NEGR1: variants seen among roughly 807,000 people sequenced by gnomAD.
NEGR1 encodes neuronal growth regulator 1.
Under a neutral mutation model 40.9 loss-of-function variants are expected in NEGR1, and 10 were observed. The ratio of observed to expected loss-of-function variants is 0.24; its 90% confidence interval spans 0.15 to 0.42. NEGR1 has a LOEUF of 0.42. Among genes scored for constraint, NEGR1 ranks in the 10% least tolerant of loss-of-function variants. The pLI is 1.00. For missense variants in NEGR1, 352 were observed against 438.9 expected, an observed-to-expected ratio of 0.80 and a Z score of 1.77; for synonymous variants, 185 against 166.8, an observed-to-expected ratio of 1.11 and a Z score of -0.84.
chr1:71,409,018 G>T (rs1646298711), intron 6 of NEGR1: 1 of 151,982 alleles, frequency 6.6e-6, no homozygotes, highest in African/African-American at 2.4e-5. Context: ...CCAGGTGAGT[G>T]GGATTTGAAC....
intron 3 of NEGR1, among the ~76,000 whole-genome samples, chr1:71,722,525 A>C (rs140238325): frequency 6.6e-6 from 1 of 152,240 alleles, no homozygotes; most frequent in East Asian, 1.9e-4. Context: ...GTCAAAAATA[A>C]AGTTTAGAAT....
chr1:71,764,203 GA>G (rs1656044023), intron 3 of NEGR1, among the ~76,000 whole-genome samples: 1 of 152,068 alleles, frequency 6.6e-6, no homozygotes, highest in Admixed American at 6.6e-5. Context: ...TTTGTCAATT[GA>G]ATAAAATGAC....
chr1:72,280,473 T>G (rs537244387), intron 1 of NEGR1, among the ~76,000 whole-genome samples: 2 of 152,318 alleles, frequency 1.3e-5, no homozygotes, highest in Middle Eastern at 3.4e-3. Context: ...CTGAAGATAG[T>G]GTCTTGCCCT....
chr1:71,685,965 AG>A (rs1164360320), intron 4 of NEGR1, among the ~76,000 whole-genome samples: 6 of 194 alleles, frequency 0.031, no homozygotes, highest in Admixed American at 0.25. Flanking sequence ...GTTAATGGCC[AG>A]ATGCTATTTT....
At chr1:71,549,775 T>C (rs1435285983) in intron 6 of NEGR1, among the ~76,000 whole-genome samples, 1 of 151,664 alleles carries the variant, frequency 6.6e-6, no homozygotes, top group Non-Finnish European at 1.5e-5. Flanking sequence ...CATTATTTCA[T>C]GGATTCTTTC....
At chr1:71,982,901 T>C (rs1646365590) in intron 1 of NEGR1, among the ~76,000 whole-genome samples, 1 of 152,134 alleles carries the variant, frequency 6.6e-6, no homozygotes, top group African/African-American at 2.4e-5. Context: ...TTTCCTTTTA[T>C]CAGTACACAT....
chr1:72,091,912 T>G (rs1181047849), intron 1 of NEGR1, among the ~76,000 whole-genome samples: 1 of 152,176 alleles, frequency 6.6e-6, no homozygotes, highest in Non-Finnish European at 1.5e-5. Flanking sequence ...TGTGTGTGTG[T>G]GTGTCTTATT....
At chr1:72,025,505 G>C (rs17579541) in intron 1 of NEGR1, among the ~76,000 whole-genome samples, 12,805 of 152,104 alleles carry the variant, frequency 0.084, 651 homozygotes, top group Middle Eastern at 0.18. Context: ...CGTGTTTTCA[G>C]GCACATAGTG....
chr1:71,726,854 C>A (rs1261576992), intron 3 of NEGR1, among the ~76,000 whole-genome samples: 1 of 151,942 alleles, frequency 6.6e-6, no homozygotes, highest in African/African-American at 2.4e-5. Context: ...CCAATACATA[C>A]TGAATTCCAC....
At chr1:71,497,724 G>T (rs189536676) in intron 6 of NEGR1, among the ~76,000 whole-genome samples, 39 of 151,648 alleles carry the variant, frequency 2.6e-4, no homozygotes, top group Non-Finnish European at 5.0e-4. Flanking sequence ...TATTTAATAT[G>T]CTGCAGGTGT....
At chr1:71,883,923 A>C (rs929754496) in intron 2 of NEGR1, among the ~76,000 whole-genome samples, 1 of 152,118 alleles carries the variant, frequency 6.6e-6, no homozygotes, top group Non-Finnish European at 1.5e-5. Flanking sequence ...TTAGAAACGA[A>C]AATATTTAAA....
intron 6 of NEGR1, among the ~76,000 whole-genome samples, chr1:71,439,352 A>G (rs1402360429): frequency 6.6e-6 from 1 of 152,016 alleles, no homozygotes; most frequent in Non-Finnish European, 1.5e-5. Flanking sequence ...TTCCTTCAAT[A>G]ATGTTTTTGT....
At chr1:71,687,405 G>A (rs12130762) in intron 4 of NEGR1, among the ~76,000 whole-genome samples, 9,707 of 152,152 alleles carry the variant, frequency 0.064, 410 homozygotes, top group Non-Finnish European at 0.095. Flanking sequence ...GGCACAGTGG[G>A]CATTTTGTTT....
chr1:71,877,338 C>A (rs1660460984), intron 2 of NEGR1, among the ~76,000 whole-genome samples: 1 of 152,116 alleles, frequency 6.6e-6, no homozygotes, highest in African/African-American at 2.4e-5. Flanking sequence ...GTGACTTAAA[C>A]AACAGAAATT....
At chr1:71,480,041 G>T (rs1208472299) in intron 6 of NEGR1, among the ~76,000 whole-genome samples, 1 of 151,842 alleles carries the variant, frequency 6.6e-6, no homozygotes, top group African/African-American at 2.4e-5. Flanking sequence ...GTGGAAATTG[G>T]ATAATTAGTA....
At chr1:71,952,358 G>T (rs1646078174) in intron 1 of NEGR1, among the ~76,000 whole-genome samples, 1 of 151,936 alleles carries the variant, frequency 6.6e-6, no homozygotes, top group African/African-American at 2.4e-5. Context: ...TAGTGGTCTG[G>T]ATAGAAGACC....
intron 6 of NEGR1, among the ~76,000 whole-genome samples, chr1:71,561,978 A>G (rs1359938598): frequency 6.8e-6 from 1 of 147,248 alleles, no homozygotes; most frequent in Non-Finnish European, 1.5e-5. Context: ...TTTTGGCTCA[A>G]TTGCAATTCC....
chr1:72,089,133 T>TAAGAC (rs1648351798), intron 1 of NEGR1, among the ~76,000 whole-genome samples: 1 of 152,166 alleles, frequency 6.6e-6, no homozygotes, highest in Non-Finnish European at 1.5e-5. Context: ...TAACAAGCTC[T>TAAGAC]TAGAGGATGC....
At chr1:72,240,864 G>A (rs1360195748) in intron 1 of NEGR1, among the ~76,000 whole-genome samples, 1 of 151,726 alleles carries the variant, frequency 6.6e-6, no homozygotes, top group African/African-American at 2.4e-5. Flanking sequence ...TGATAAATCT[G>A]TAGGTATTAA....
Sources: allele counts gnomAD v4.1 joint callset (sites outside exome capture counted in the v4.1 genomes callset), GRCh38; gene constraint gnomAD v4.1.1; transcripts MANE v1.5; gene names NCBI Gene and HGNC (gene_info 2026-07-23, HGNC 2026-07-21).